PIP5K1C: variants seen among roughly 807,000 people sequenced by gnomAD.
PIP5K1C encodes the protein phosphatidylinositol 4-phosphate 5-kinase type-1 gamma.
In PIP5K1C, 45 loss-of-function variants were observed where a neutral mutation model predicts 80.1. The observed-to-expected ratio is 0.56, with a 90% CI of 0.44 to 0.72. The LOEUF is 0.72. PIP5K1C is among the 30% of genes least tolerant of loss of function. PIP5K1C has a pLI of 0.00. For synonymous variants in PIP5K1C, 498 were observed against 420.1 expected (o/e 1.19, Z -2.27); for missense variants, 753 against 954.6 (o/e 0.79, Z 2.78).
At position 3,680,690 on chromosome 19, in the gene PIP5K1C, G is replaced by A. The variant is rs539809648; in HGVS notation, c.95-13337C>T. 6.5e-4 allele frequency among the ~76,000 whole-genome samples: 99 copies of A among 152,350 alleles called. 1 individual carries two copies. The highest frequency in any genetic ancestry group is 2.3e-3 in the African/African-American group (96 of 41,584). The stretch of plus-strand genomic sequence containing the variant: ...AAGACACCCATCTATTACTACATAG[G>A]TCAAAAAACATCTTTTCTGTTTATC... On this transcript the variant is annotated intron_variant, in intron 1 of 17. Coordinates refer to ENST00000335312, the MANE Select transcript of PIP5K1C (RefSeq NM_012398.3).
At chr19:3,678,123 G>A in intron 1 of PIP5K1C, among the ~76,000 whole-genome samples, 1 of 143,016 alleles carries the variant, frequency 7.0e-6, no homozygotes, top group Non-Finnish European at 1.5e-5. Flanking sequence ...ATGGAGAGAT[G>A]GAGGGATGGA....
intron 1 of PIP5K1C, among the ~76,000 whole-genome samples, chr19:3,681,488 TC>T (rs1160957931): frequency 6.6e-6 from 1 of 152,072 alleles, no homozygotes; most frequent in African/African-American, 2.4e-5. Context: ...CACCTCGGCC[TC>T]CCAAAGTGCT....
intron 7 of PIP5K1C, 22 bp from the exon 8 acceptor site, chr19:3,652,053 A>G: frequency 6.2e-7 from 1 of 1,608,978 alleles, no homozygotes; most frequent in Non-Finnish European, 8.5e-7. Context: ...GGGCAGGAAC[A>G]CGCCACGCCG....
At chr19:3,680,368 C>A (rs774520021) in intron 1 of PIP5K1C, among the ~76,000 whole-genome samples, 3 of 152,122 alleles carry the variant, frequency 2.0e-5, no homozygotes, top group Non-Finnish European at 4.4e-5. Context: ...GCAACGGCAC[C>A]ATCCTGACTC....
chr19:3,650,841 C>T (rs187025305), intron 8 of PIP5K1C, among the ~76,000 whole-genome samples: 3 of 152,110 alleles, frequency 2.0e-5, no homozygotes, highest in Non-Finnish European at 4.4e-5. Flanking sequence ...ACTGCAACCT[C>T]CACCTCCTGG....
chr19:3,642,009 G>A (rs1424094019), intron 14 of PIP5K1C, among the ~76,000 whole-genome samples, 200 bp from the exon 15 acceptor site: 1 of 152,200 alleles, frequency 6.6e-6, no homozygotes, highest in African/African-American at 2.4e-5. Context: ...AGCAGGGCCT[G>A]GGGTGTAGCG....
Position 3,638,904 on chromosome 19 carries a change from G to A in PIP5K1C, c.1900C>T (p.Pro634Ser), listed in dbSNP as rs1485594059. Residue 634 changes from proline to serine, a missense_variant, in exon 16 of 18, where the codon CCC (proline) becomes TCC (serine). Pro to Ser is a moderately conservative substitution (Grantham distance 74, BLOSUM62 -1). This residue lies in a region of PIP5K1C where 315 missense variants were observed against 294.5 expected (regional missense o/e 1.07). Coordinates refer to ENST00000335312, the MANE Select transcript of PIP5K1C (RefSeq NM_012398.3). ...CTTACAAAGTAGATGTCGGTGGCGG[G>A]CGCGTCCTCCTCGTCCGAGGCCTGG... Reference protein sequence around the residue: ...ASQASDEEDAPATDIYFPTDE... With the variant: ...ASQASDEEDASATDIYFPTDE... 6.2e-7 allele frequency: 1 copy of A among 1,612,882 alleles called. No homozygotes were observed. Among genetic ancestry groups the A allele is most frequent in the Non-Finnish European group, 8.5e-7 (1 of 1,179,932 alleles).
chr19:3,672,901 G>A (rs920110468), intron 1 of PIP5K1C, among the ~76,000 whole-genome samples: 21 of 151,252 alleles, frequency 1.4e-4, no homozygotes, highest in Non-Finnish European at 2.5e-4. Flanking sequence ...CGGTGGGGGC[G>A]GGGGGAGAGT....
chr19:3,652,711 ACCCTCACTGGACGCACATGGG>A (rs1211030212), intron 7 of PIP5K1C, among the ~76,000 whole-genome samples: 6 of 152,182 alleles, frequency 3.9e-5, no homozygotes, highest in Non-Finnish European at 8.8e-5. Context: ...CAGGAGCCAG[ACCCTCACTGGACGCACATGGG>A]CCCTCACTGT....
chr19:3,699,880 G>T (rs1175044670), intron 1 of PIP5K1C, among the ~76,000 whole-genome samples: 1 of 152,212 alleles, frequency 6.6e-6, no homozygotes, highest in Non-Finnish European at 1.5e-5. Flanking sequence ...GCCCAGGAAG[G>T]TGAGGAAAGG....
In PIP5K1C at chr19:3,661,939, C is replaced by G. The variant is rs761900689; in HGVS notation, c.282G>C (p.Leu94=). 6.2e-7 allele frequency: 1 copy of G among 1,612,026 alleles called. No individual in the cohort carries two copies. Among genetic ancestry groups the G allele is most frequent in the Non-Finnish European group, 8.5e-7 (1 of 1,179,704 alleles). The change falls in exon 4 of 18, where the codon CTG becomes CTC. Residue 94 remains leucine, a synonymous_variant. Coordinates refer to ENST00000335312, the MANE Select transcript of PIP5K1C (RefSeq NM_012398.3). The part of the protein sequence containing the change: ...QLGIGYTVGH[L]SSKPERDVLM... ...GCACGTCGCGTTCGGGCTTGGAGCT[C>G]AGGTGGCCCACGGTGTAGCCGATGC... is the stretch of plus-strand genomic sequence containing the variant.
intron 9 of PIP5K1C, 66 bp from the exon 10 acceptor site, chr19:3,647,452 G>A: frequency 7.3e-7 from 1 of 1,365,072 alleles, no homozygotes; most frequent in Non-Finnish European, 1.0e-6. Context: ...ACCTCACTCA[G>A]GGGCCACTGT....
intron 16 of PIP5K1C, among the ~76,000 whole-genome samples, chr19:3,635,450 G>A (rs557874080): frequency 6.6e-5 from 10 of 152,290 alleles, no homozygotes; most frequent in South Asian, 4.1e-4. Flanking sequence ...TTGGGAGGCC[G>A]AGGTGGGCAG....
chr19:3,641,550 C>T (rs1362416615), intron 15 of PIP5K1C, among the ~76,000 whole-genome samples, 155 bp downstream of exon 15: 4 of 152,196 alleles, frequency 2.6e-5, no homozygotes, highest in Admixed American at 2.6e-4. Flanking sequence ...AGAACCACTC[C>T]CTTCAATCAA....
rs1300626329 is a variant in PIP5K1C, at chr19:3,688,765, C to A, written c.94+11532G>T. ...GAGAGAGAGGAGAGTGGGGGGAGAA[C>A]GAGAGCGAGAGACACACCGAGCTGG... On this transcript the variant is annotated intron_variant, in intron 1 of 17. Coordinates refer to ENST00000335312, the MANE Select transcript of PIP5K1C (RefSeq NM_012398.3). This position sits in a 1 kb window ranked among gnomAD's most constrained non-coding sequence, Gnocchi z 5.3. Among the ~76,000 whole-genome samples, 1 of 151,420 alleles carries A rather than the reference C, an allele frequency of 6.6e-6. No individual in the cohort carries two copies.
intron 16 of PIP5K1C, chr19:3,638,064 G>C: frequency 6.9e-7 from 1 of 1,452,178 alleles, no homozygotes; most frequent in Non-Finnish European, 9.0e-7. Flanking sequence ...CCCACAACAG[G>C]CCCTAAGGCC....
At chr19:3,683,561 C>T (rs1404681142) in intron 1 of PIP5K1C, among the ~76,000 whole-genome samples, 1 of 152,254 alleles carries the variant, frequency 6.6e-6, no homozygotes, top group Non-Finnish European at 1.5e-5. Context: ...GGCACTATTA[C>T]TGCTCCCATT....
chr19:3,677,732 GAA>G (rs1568349078), intron 1 of PIP5K1C, among the ~76,000 whole-genome samples: 4 of 112,270 alleles, frequency 3.6e-5, no homozygotes, highest in African/African-American at 1.1e-4. Flanking sequence ...TGGAGGGATG[GAA>G]GGATGGTGGG....
rs1232407328 is a variant in PIP5K1C at position 3,637,601 on chromosome 19, TC to T, written c.1920+1282del. On this transcript the variant is annotated intron_variant, in intron 16 of 17. Transcript: ENST00000335312. This position sits in a 1 kb window ranked among gnomAD's most constrained non-coding sequence, Gnocchi z 7.0. ...TGGCGGGGAGAGTAAATCCAGTACC[TC>T]CCATCCGTGAACTGGACGGGGCGGG... is the stretch of plus-strand genomic sequence containing the variant. The T allele has an allele frequency of 3.3e-6, 2 of 597,078 alleles. No individual in the cohort carries two copies. Among genetic ancestry groups the T allele is most frequent in the Non-Finnish European group, 5.0e-6 (2 of 402,138 alleles). The allele number at this position is 597,078 out of a possible 1,614,324, so 37.0% of individuals were successfully genotyped here. A position where few individuals can be genotyped will look rare whatever the true frequency, so the allele number is the denominator to read the frequency against.
Sources: gnomAD v4.1 joint callset for allele counts (sites outside exome capture counted in the v4.1 genomes callset) on GRCh38, gnomAD v4.1.1 for gene constraint, gnomAD v4.1.1 regional missense constraint, Gnocchi (gnomAD v3.1) non-coding constraint, MANE v1.5 for transcripts, NCBI Gene and HGNC (gene_info 2026-07-23, HGNC 2026-07-21) for gene names.